FRMPD4: variants seen among roughly 807,000 people sequenced by gnomAD.
FRMPD4 encodes the protein FERM and PDZ domain-containing protein 4.
FRMPD4 carries 22 observed loss-of-function variants against 94.1 expected under a neutral mutation model. The ratio of observed to expected loss-of-function variants is 0.23; its 90% confidence interval spans 0.17 to 0.33. The LOEUF (loss-of-function observed/expected upper bound fraction) is 0.33. FRMPD4 is among the 10% of genes least tolerant of loss of function. FRMPD4 has a pLI of 1.00. For missense variants in FRMPD4, 1,111 were observed against 1,339.9 expected (o/e 0.83, Z 2.67); for synonymous variants, 631 against 548.6 (o/e 1.15, Z -2.10).
chrX:11,910,760 C>T (rs1159903778), intron 3 of FRMPD4, among the ~76,000 whole-genome samples: 1 of 111,872 alleles, frequency 8.9e-6, no homozygotes, highest in Non-Finnish European at 1.9e-5. Flanking sequence ...AATATCAAGC[C>T]TTCTTCATAG....
intron 1 of FRMPD4, among the ~76,000 whole-genome samples, chrX:12,389,313 C>A (rs1601888196): frequency 9.1e-6 from 1 of 109,311 alleles, no homozygotes; most frequent in South Asian, 4.0e-4. Context: ...GTCTCTACTA[C>A]AAATACGAAA....
chrX:12,249,796 T>C (rs761067710), intron 1 of FRMPD4, among the ~76,000 whole-genome samples: 2 of 111,158 alleles, frequency 1.8e-5, no homozygotes, highest in Non-Finnish European at 3.8e-5. Context: ...AGGAAAAATG[T>C]TAATGAGCTA....
chrX:11,913,147 G>C (rs1335115911), intron 3 of FRMPD4, among the ~76,000 whole-genome samples: 3 of 112,130 alleles, frequency 2.7e-5, no homozygotes, highest in African/African-American at 9.7e-5. Context: ...ATGCATTTCA[G>C]GGAGAGCCAG....
chrX:11,832,914 T>A (rs1446048392), intron 1 of FRMPD4, among the ~76,000 whole-genome samples: 2 of 111,728 alleles, frequency 1.8e-5, no homozygotes, highest in African/African-American at 6.5e-5. Context: ...TTGATAAATA[T>A]ATAATGACAT....
At chrX:12,582,183 G>A (rs1228345889) in intron 2 of FRMPD4, among the ~76,000 whole-genome samples, 1 of 112,237 alleles carries the variant, frequency 8.9e-6, no homozygotes, top group Non-Finnish European at 1.9e-5. Context: ...TGAATTAATT[G>A]CCATGCTTTC....
In FRMPD4 at chrX:11,830,038, A is replaced by C. The variant is rs1041979350; in HGVS notation, c.-161+7323A>C. ...ACTGCTTTCCCTTATAAAGTGGAGA[A>C]CCAAGAGACATTGCCTATGGTGCAC... On this transcript the variant is annotated intron_variant, in intron 1 of 18. Transcript: ENST00000640291. Among the ~76,000 whole-genome samples, 4 of 111,687 alleles carry C rather than the reference A, an allele frequency of 3.6e-5. No homozygotes were observed. The East Asian group carries it at 8.4e-4, about 24-fold the overall frequency.
chrX:12,117,085 C>T (rs1218393759), intron 3 of FRMPD4, among the ~76,000 whole-genome samples: 1 of 111,267 alleles, frequency 9.0e-6, no homozygotes, highest in African/African-American at 3.3e-5. Flanking sequence ...ATCGTCAAAG[C>T]TTTCCTGAGG....
At chrX:12,128,198 C>T (rs1448776330) in intron 3 of FRMPD4, among the ~76,000 whole-genome samples, 13 of 113,387 alleles carry the variant, frequency 1.1e-4, no homozygotes, top group East Asian at 1.1e-3. Flanking sequence ...ATGAGGGCTC[C>T]GCCCATGCAG....
chrX:11,851,005 G>T (rs1232275172), intron 1 of FRMPD4, among the ~76,000 whole-genome samples: 2 of 111,610 alleles, frequency 1.8e-5, no homozygotes, highest in African/African-American at 3.3e-5. Flanking sequence ...AGACAACCAA[G>T]TGAGCCTCCT....
chrX:12,066,160 A>C (rs1411098185), intron 3 of FRMPD4, among the ~76,000 whole-genome samples: 1 of 112,303 alleles, frequency 8.9e-6, no homozygotes, highest in East Asian at 2.8e-4. Context: ...TAACTCAAAT[A>C]AATTAAATTT....
intron 3 of FRMPD4, among the ~76,000 whole-genome samples, chrX:12,039,181 A>AT (rs1475252669): frequency 9.4e-6 from 1 of 106,244 alleles, no homozygotes; most frequent in African/African-American, 3.4e-5. Context: ...TATTTTTATT[A>AT]TTTTTTATTT....
chrX:12,636,185 A>T (rs887545904), intron 4 of FRMPD4, among the ~76,000 whole-genome samples: 1 of 112,559 alleles, frequency 8.9e-6, no homozygotes, highest in Non-Finnish European at 1.9e-5. Flanking sequence ...ATCGAGGTCC[A>T]AATGAAGTCC....
intron 3 of FRMPD4, among the ~76,000 whole-genome samples, chrX:11,949,253 G>T (rs749215167): frequency 6.7e-4 from 75 of 112,239 alleles, no homozygotes; most frequent in Admixed American, 1.0e-3. Context: ...GGTGTCTGGT[G>T]CATGTATACA....
chrX:12,575,314 C>CTT (rs35769840), intron 2 of FRMPD4, among the ~76,000 whole-genome samples: 4,874 of 98,019 alleles, frequency 0.05, 262 homozygotes, highest in African/African-American at 0.15. Context: ...AAGTAAAGGT[C>CTT]TTTTTTTTTT....
Position 12,574,108 on chromosome X carries a change from C to T in FRMPD4, c.159-35613C>T, listed in dbSNP as rs2058786111. ...TTCTGCCTCCCAGCTTCAAGTGATTCTCCTGCCTCAGCCTCCTGAGTAGCT... is the reference window on the plus strand; with the variant it reads ...TTCTGCCTCCCAGCTTCAAGTGATTTTCCTGCCTCAGCCTCCTGAGTAGCT... On this transcript the variant is annotated intron_variant, in intron 2 of 16. Coordinates refer to ENST00000675598, the MANE Select transcript of FRMPD4 (RefSeq NM_001368397.1). Among the ~76,000 whole-genome samples the T allele has an allele frequency of 3.6e-5, 4 of 111,975 alleles. No individual in the cohort carries two copies. In the South Asian group the frequency reaches 1.5e-3, roughly 42 times the overall value.
chrX:12,125,894 T>C (rs1204456897), intron 3 of FRMPD4, among the ~76,000 whole-genome samples: 2 of 111,963 alleles, frequency 1.8e-5, no homozygotes, highest in Admixed American at 9.5e-5. Context: ...TCTAGTTTAC[T>C]GACTGTTCTG....
At chrX:11,863,513 C>G (rs1443171863) in intron 1 of FRMPD4, among the ~76,000 whole-genome samples, 1 of 110,757 alleles carries the variant, frequency 9.0e-6, no homozygotes, top group African/African-American at 3.3e-5. Flanking sequence ...TACAGCACCC[C>G]CTAGGCTACC....
chrX:12,106,670 A>G (rs1160237098), intron 3 of FRMPD4, among the ~76,000 whole-genome samples: 1 of 111,771 alleles, frequency 8.9e-6, no homozygotes, highest in Non-Finnish European at 1.9e-5. Flanking sequence ...AAGCAGTGAC[A>G]GAAGGCACTG....
chrX:12,043,358 G>T (rs781256938), intron 3 of FRMPD4, among the ~76,000 whole-genome samples: 3 of 111,546 alleles, frequency 2.7e-5, no homozygotes, highest in Non-Finnish European at 5.7e-5. Context: ...AATTGATAAA[G>T]ATTTAAATTA....
Sources: allele counts gnomAD v4.1 joint callset (sites outside exome capture counted in the v4.1 genomes callset), GRCh38; gene constraint gnomAD v4.1.1; transcripts MANE v1.5; gene names NCBI Gene and HGNC (gene_info 2026-07-23, HGNC 2026-07-21).